FBXO38: variants seen among roughly 807,000 people sequenced by gnomAD.
The protein encoded by FBXO38 is F-box protein 38, also known as F-box only protein 38.
FBXO38 carries 53 observed loss-of-function variants against 131.9 expected under a neutral mutation model. That is an observed-to-expected ratio of 0.40 (90% CI 0.32 to 0.51). The LOEUF (loss-of-function observed/expected upper bound fraction) is 0.51, where lower values mean the gene tolerates loss of function less well. FBXO38 is among the 20% of genes least tolerant of loss of function. The pLI is 0.53. For missense variants in FBXO38, 1,076 were observed against 1,475.6 expected, an observed-to-expected ratio of 0.73 and a Z score of 4.44; for synonymous variants, 452 against 505.6, an observed-to-expected ratio of 0.89 and a Z score of 1.42.
At position 148,426,208 on chromosome 5, in the gene FBXO38, C is replaced by CT. The variant is rs200755769; in HGVS notation, c.1918+510dup. ...CCAAGAAACTGTACTTCTCTCTTAA[C>CT]TTTGAAGTTCATACTTCTTCCTTGT... On this transcript the variant is annotated intron_variant, in intron 14 of 21. Transcript: ENST00000340253. Among the ~76,000 whole-genome samples, 1,206 of 152,306 alleles carry CT rather than the reference C, an allele frequency of 7.9e-3. 19 individuals carry two copies. Among genetic ancestry groups the CT allele is most frequent in the African/African-American group, 0.028 (1,159 of 41,560 alleles).
chr5:148,440,564 T>C (rs749534938), intron 20 of FBXO38, 37 bp downstream of exon 20: 10 of 1,262,152 alleles, frequency 7.9e-6, no homozygotes, highest in Middle Eastern at 1.9e-4. Context: ...TTAAATAGCC[T>C]GTGCAGTACT....
At chr5:148,438,218 A>G in intron 17 of FBXO38, 114 bp from the exon 18 acceptor site, 2 of 868,992 alleles carry the variant, frequency 2.3e-6, no homozygotes, top group East Asian at 5.4e-5. Flanking sequence ...ACTCTATGAT[A>G]TTATTTGACC....
chr5:148,410,501 C>T, intron 8 of FBXO38, 134 bp from the exon 9 acceptor site: 6 of 1,108,394 alleles, frequency 5.4e-6, no homozygotes. Flanking sequence ...TCCATTAAAA[C>T]CTCTTTTTCT....
rs774026480 is a variant in FBXO38, at chr5:148,441,215, C to T, written c.3366C>T (p.Tyr1122=). 16 of 1,613,216 alleles carry T rather than the reference C, an allele frequency of 9.9e-6. No individual in the cohort carries two copies. The highest frequency in any genetic ancestry group is 2.2e-5 in the East Asian group (1 of 44,872). The change falls in exon 21 of 22, where the codon TAC becomes TAT. Residue 1122 remains tyrosine, a synonymous_variant. Transcript: ENST00000340253. ...RAAEPNSFAR[Y]DFEDDEESTI... is the part of the protein sequence containing the mutation. ...CAGAGCCCAACAGCTTCGCTCGATA[C>T]GACTTTGAAGACGATGAAGAAAGTA...
chr5:148,392,581 TTGTGTG>T lies in FBXO38; in HGVS notation c.-63-2099_-63-2094del, dbSNP rs55667300. On this transcript the variant is annotated intron_variant, in intron 1 of 21. Coordinates refer to ENST00000340253, the MANE Select transcript of FBXO38 (RefSeq NM_205836.3). ...AAATTTTTTCTTTTTTTGCTTTTCT[TTGTGTG>T]TGTGTGTGTGTGTGTGTGTGTGTGT... Among the ~76,000 whole-genome samples, 311 of 141,924 alleles carry T rather than the reference TTGTGTG, an allele frequency of 2.2e-3. 2 individuals carry two copies. Among genetic ancestry groups the T allele is most frequent in the East Asian group, 4.0e-3 (19 of 4,704 alleles). 93.1% of individuals were successfully genotyped at this position (141,924 alleles called of 152,430 possible).
chr5:148,419,749 C>G (rs924186652), intron 12 of FBXO38, among the ~76,000 whole-genome samples: 2 of 152,034 alleles, frequency 1.3e-5, no homozygotes, highest in African/African-American at 2.4e-5. Flanking sequence ...GTCTTAAAAA[C>G]AAATCTTTAC....
chr5:148,420,302 T>A (rs1380203223), intron 12 of FBXO38, among the ~76,000 whole-genome samples: 1 of 152,006 alleles, frequency 6.6e-6, no homozygotes, highest in South Asian at 2.1e-4. Flanking sequence ...TTTCAAAAAA[T>A]TTTGTGTAGA....
intron 9 of FBXO38, among the ~76,000 whole-genome samples, chr5:148,412,331 CT>C (rs1752810316): frequency 6.6e-6 from 1 of 152,106 alleles, no homozygotes; most frequent in African/African-American, 2.4e-5. Flanking sequence ...CATGAGGTCA[CT>C]GCTCACTCAC....
rs114115181 is a variant in FBXO38 at position 148,442,449 on chromosome 5, C to T, written c.*302C>T. The T allele has an allele frequency of 0.01, 1,949 of 192,644 alleles. 42 individuals are homozygous for T. The highest frequency in any genetic ancestry group is 0.043 in the African/African-American group (1,848 of 43,084). 11.9% of individuals were successfully genotyped at this position (192,644 alleles called of 1,614,324 possible). On this transcript the variant is annotated 3_prime_UTR_variant, in exon 22 of 22. Transcript: ENST00000340253. ...TTTCTTGACTTAATTCATGAAGTAT[C>T]ATTTTTTGACTGAGTCTCCATTTAC...
intron 8 of FBXO38, among the ~76,000 whole-genome samples, chr5:148,409,951 C>T (rs1055977612): frequency 8.5e-5 from 13 of 152,192 alleles, no homozygotes; most frequent in African/African-American, 3.1e-4. Context: ...GATGCAGATT[C>T]TCACATTGAC....
At chr5:148,430,357 G>T (rs1239994919) in intron 15 of FBXO38, 1 of 147,790 alleles carries the variant, frequency 6.8e-6, no homozygotes, top group African/African-American at 2.5e-5. Flanking sequence ...TTGAGACGGA[G>T]TCTTGCTTTG....
Position 148,414,389 on chromosome 5 carries a change from T to C in FBXO38, c.1264+83T>C, listed in dbSNP as rs1316620134. 6 of 1,199,530 alleles carry C rather than the reference T, an allele frequency of 5.0e-6. No individual in the cohort carries two copies. In the South Asian group the frequency reaches 6.1e-5, roughly 12 times the overall value. The allele number at this position is 1,199,530 out of a possible 1,614,324, so 74.3% of individuals were successfully genotyped here. A position where few individuals can be genotyped will look rare whatever the true frequency, so the allele number is the denominator to read the frequency against. On this transcript the variant is annotated intron_variant, in intron 10 of 21. Transcript: ENST00000340253. ...CCATGTTTTCTATGTGTGATATGAT[T>C]GCATTCCTAATGTAAAATGTAGGTA...
At chr5:148,415,496 A>C (rs1753000285) in intron 10 of FBXO38, 1 of 161,048 alleles carries the variant, frequency 6.2e-6, no homozygotes, top group African/African-American at 2.4e-5. Context: ...AAAGGATCTT[A>C]CTCTGTATAC....
intron 17 of FBXO38, among the ~76,000 whole-genome samples, chr5:148,436,906 G>A (rs1182069470): frequency 6.6e-6 from 1 of 152,206 alleles, no homozygotes; most frequent in African/African-American, 2.4e-5. Flanking sequence ...CTCTTCAAAA[G>A]CTCAGAGATT....
At position 148,417,544 on chromosome 5, in the gene FBXO38, A is replaced by G. The variant is rs1039576062; in HGVS notation, c.1618+340A>G. On this transcript the variant is annotated intron_variant, in intron 12 of 21. Coordinates refer to ENST00000340253, the MANE Select transcript of FBXO38 (RefSeq NM_205836.3). ...TTTATTGTCTCCTAGACCAATGGAT[A>G]GCATGAACATTAAGACCATTTCTGG... is the stretch of plus-strand genomic sequence containing the variant. Among the ~76,000 whole-genome samples, 3 of 152,168 alleles carry G rather than the reference A, an allele frequency of 2.0e-5. No individual in the cohort carries two copies. The East Asian group carries it at 5.8e-4, about 29-fold the overall frequency.
Position 148,402,372 on chromosome 5 carries a change from T to C in FBXO38, c.451T>C (p.Leu151=), listed in dbSNP as rs2113533109. The change falls in exon 5 of 22, where the codon TTG becomes CTG. Residue 151 remains leucine (L), a synonymous_variant. Transcript: ENST00000340253. ...LVGVETSHLE[L]VESIWTYMPH... Reference sequence around the variant, plus strand: ...GGGTGTGGAAACTTCTCATTTGGAGTTGGTAGAATCCATTTGGACATATAT... The same window carrying C: ...GGGTGTGGAAACTTCTCATTTGGAGCTGGTAGAATCCATTTGGACATATAT... The C allele has an allele frequency of 6.2e-7, 1 of 1,607,014 alleles. No homozygotes were observed.
intron 15 of FBXO38, chr5:148,430,675 A>C (rs1398215896): frequency 2.0e-5 from 3 of 152,152 alleles, no homozygotes; most frequent in Admixed American, 6.5e-5. Context: ...GAAAAATCCA[A>C]ACTAATAAAG....
intron 1 of FBXO38, among the ~76,000 whole-genome samples, chr5:148,387,690 CTTTT>C (rs142417126): frequency 2.4e-5 from 3 of 126,686 alleles, no homozygotes; most frequent in Non-Finnish European, 3.3e-5. Context: ...GAATTTATTT[CTTTT>C]TTTTTTTTTT....
chr5:148,391,555 A>G (rs1011034458), intron 1 of FBXO38, among the ~76,000 whole-genome samples: 1 of 152,212 alleles, frequency 6.6e-6, no homozygotes. Flanking sequence ...TGAAACACCA[A>G]TGGTTGTTTG....
Sources: gnomAD v4.1 joint callset for allele counts (sites outside exome capture counted in the v4.1 genomes callset) on GRCh38, gnomAD v4.1.1 for gene constraint, MANE v1.5 for transcripts, NCBI Gene and HGNC (gene_info 2026-07-23, HGNC 2026-07-21) for gene names.